ZBTB7C: variants seen among roughly 807,000 people sequenced by gnomAD.
ZBTB7C encodes the protein zinc finger and BTB domain containing 7C, also known as zinc finger and BTB domain-containing protein 7C.
A neutral mutation model predicts 25.7 loss-of-function variants in ZBTB7C; 8 were observed. That is an observed-to-expected ratio of 0.31 (90% CI 0.18 to 0.56). The LOEUF is 0.56. Among genes scored for constraint, ZBTB7C ranks in the 20% least tolerant of loss-of-function variants. ZBTB7C has a pLI of 0.91. For synonymous variants in ZBTB7C, 394 were observed against 369.0 expected, an observed-to-expected ratio of 1.07 and a Z score of -0.78; for missense variants, 824 against 855.2, an observed-to-expected ratio of 0.96 and a Z score of 0.46.
intron 1 of ZBTB7C, among the ~76,000 whole-genome samples, chr18:48,378,445 T>C (rs889127566): frequency 6.6e-6 from 1 of 152,216 alleles, no homozygotes; most frequent in Non-Finnish European, 1.5e-5. Context: ...GAGCCTTCTC[T>C]GAAGACCCCA....
At chr18:48,038,424 C>G (rs1460805503) in intron 4 of ZBTB7C, among the ~76,000 whole-genome samples, 1 of 152,140 alleles carries the variant, frequency 6.6e-6, no homozygotes, top group African/African-American at 2.4e-5. Context: ...CCCTGAGGAG[C>G]CTGCAGAGCT....
chr18:48,263,347 G>A (rs528585776), intron 2 of ZBTB7C, among the ~76,000 whole-genome samples: 257 of 152,348 alleles, frequency 1.7e-3, no homozygotes, highest in African/African-American at 5.9e-3. Context: ...GCAGGGAGAT[G>A]CTGGTGCAGC....
At chr18:48,282,426 C>T (rs1345901409) in intron 2 of ZBTB7C, among the ~76,000 whole-genome samples, 1 of 151,716 alleles carries the variant, frequency 6.6e-6, no homozygotes, top group East Asian at 1.9e-4. Flanking sequence ...CTAACCTGCA[C>T]ATTGTGCACA....
intron 2 of ZBTB7C, among the ~76,000 whole-genome samples, chr18:48,272,633 C>G (rs1449366379): frequency 6.6e-6 from 1 of 151,842 alleles, no homozygotes; most frequent in Non-Finnish European, 1.5e-5. Flanking sequence ...TTCCAAAAGA[C>G]CTAGCAATTT....
rs1383504961 is a variant in ZBTB7C at position 48,027,943 on chromosome 18, C to G, written c.*1317G>C. 6.6e-6 allele frequency: 1 copy of G among 152,242 alleles called. No individual in the cohort carries two copies. The highest frequency in any genetic ancestry group is 1.9e-4 in the East Asian group (1 of 5,186). The allele number at this position is 152,242 out of a possible 1,614,324, so 9.4% of individuals were successfully genotyped here. On this transcript the variant is annotated 3_prime_UTR_variant, in exon 5 of 5. Coordinates refer to ENST00000590800, the MANE Select transcript of ZBTB7C (RefSeq NM_001318841.2). ...GACAACTCTAACTCACAGAGCCCTT[C>G]AAACCTCAGAGGCCTCCACCTCCCT...
At chr18:48,292,129 C>T (rs1178744428) in intron 2 of ZBTB7C, among the ~76,000 whole-genome samples, 5 of 151,524 alleles carry the variant, frequency 3.3e-5, no homozygotes, top group Admixed American at 6.6e-5. Flanking sequence ...ACCTGGGAGG[C>T]GGAGGTTGCA....
intron 2 of ZBTB7C, among the ~76,000 whole-genome samples, chr18:48,207,207 C>T (rs904480738): frequency 6.6e-6 from 1 of 152,172 alleles, no homozygotes; most frequent in African/African-American, 2.4e-5. Context: ...TCTTCAATGA[C>T]AGTCAAGAGT....
intron 2 of ZBTB7C, among the ~76,000 whole-genome samples, chr18:48,308,317 C>T (rs1020409440): frequency 6.6e-6 from 1 of 152,212 alleles, no homozygotes; most frequent in African/African-American, 2.4e-5. Context: ...TGCCCTTCCC[C>T]AGCTATTGTT....
intron 2 of ZBTB7C, among the ~76,000 whole-genome samples, chr18:48,245,109 C>T (rs201043468): frequency 0.041 from 1,634 of 39,976 alleles, 30 homozygotes; most frequent in African/African-American, 0.089. Context: ...TATATACACA[C>T]ACACACACAC....
chr18:48,219,581 T>C (rs998506092), intron 2 of ZBTB7C, among the ~76,000 whole-genome samples: 2 of 152,132 alleles, frequency 1.3e-5, no homozygotes, highest in Non-Finnish European at 1.5e-5. Context: ...CAGAGTTCTA[T>C]GCACAAAGCC....
upstream of ZBTB7C, among the ~76,000 whole-genome samples, chr18:48,409,664 G>C (rs1051766966): frequency 6.6e-6 from 1 of 152,006 alleles, no homozygotes; most frequent in Non-Finnish European, 1.5e-5. Flanking sequence ...TAACTGTGGC[G>C]AGTGGGCGGC....
intron 4 of ZBTB7C, among the ~76,000 whole-genome samples, chr18:48,035,404 G>A (rs1335147599): frequency 6.6e-6 from 1 of 152,254 alleles, no homozygotes; most frequent in African/African-American, 2.4e-5. Context: ...GAGCCAGGCT[G>A]TGACAGGATG....
chr18:48,071,774 T>C (rs1235477414), intron 3 of ZBTB7C, among the ~76,000 whole-genome samples: 1 of 152,228 alleles, frequency 6.6e-6, no homozygotes, highest in Non-Finnish European at 1.5e-5. Context: ...AAACCAAATG[T>C]GATATATACA....
chr18:48,167,896 A>G (rs1207953953), intron 3 of ZBTB7C, among the ~76,000 whole-genome samples: 1 of 152,250 alleles, frequency 6.6e-6, no homozygotes, highest in Admixed American at 6.5e-5. Flanking sequence ...GTTTTCCATA[A>G]GAGCAGCAAC....
intron 2 of ZBTB7C, among the ~76,000 whole-genome samples, chr18:48,302,397 T>G (rs1481812926): frequency 6.6e-6 from 1 of 152,202 alleles, no homozygotes; most frequent in Non-Finnish European, 1.5e-5. Context: ...TTTACTGCAA[T>G]TCCTGCACAG....
chr18:48,231,169 G>A (rs932659477), intron 2 of ZBTB7C, among the ~76,000 whole-genome samples: 5 of 152,200 alleles, frequency 3.3e-5, no homozygotes, highest in African/African-American at 4.8e-5. Flanking sequence ...GGTAAAAAGT[G>A]CAGGTCCCTG....
chr18:48,291,919 C>G (rs2097097), intron 2 of ZBTB7C, among the ~76,000 whole-genome samples: 1 of 152,006 alleles, frequency 6.6e-6, no homozygotes, highest in African/African-American at 2.4e-5. Flanking sequence ...TACCATTAGC[C>G]GGGCGTGGTG....
intron 3 of ZBTB7C, chr18:48,185,271 C>T: frequency 2.4e-6 from 1 of 425,288 alleles, no homozygotes; most frequent in Non-Finnish European, 4.6e-6. Context: ...CTAACCATTT[C>T]CCATCCCCAG....
chr18:48,187,946 C>T (rs72922198), intron 2 of ZBTB7C, among the ~76,000 whole-genome samples: 7,144 of 151,618 alleles, frequency 0.047, 246 homozygotes, highest in Non-Finnish European at 0.07. Flanking sequence ...TGTAAAAGTT[C>T]TAGGATGGAT....
Sources: allele counts gnomAD v4.1 joint callset (sites outside exome capture counted in the v4.1 genomes callset), GRCh38; gene constraint gnomAD v4.1.1; transcripts MANE v1.5; gene names NCBI Gene and HGNC (gene_info 2026-07-23, HGNC 2026-07-21).